The following DENND1A variants were observed in gnomAD, a reference collection of about 807,000 sequenced individuals.
DENND1A encodes DENN domain-containing protein 1A.
Under a neutral mutation model 113.7 loss-of-function variants are expected in DENND1A, and 51 were observed. That is an observed-to-expected ratio of 0.45 (90% CI 0.36 to 0.57). The LOEUF (loss-of-function observed/expected upper bound fraction) is 0.57, where lower values mean the gene tolerates loss of function less well. Ranked by LOEUF, DENND1A falls within the 20% of genes least tolerant of loss-of-function variation. DENND1A has a pLI of 0.00. For synonymous variants in DENND1A, 565 were observed against 570.8 expected, an observed-to-expected ratio of 0.99 and a Z score of 0.14; for missense variants, 1,258 against 1,395.9, an observed-to-expected ratio of 0.90 and a Z score of 1.57.
At chr9:123,671,147 T>A in intron 7 of DENND1A, 144 bp downstream of exon 7, 1 of 908,618 alleles carries the variant, frequency 1.1e-6, no homozygotes, top group Non-Finnish European at 1.8e-6. Flanking sequence ...CTCTGGCCTA[T>A]CTTGAACTCA....
At chr9:123,624,664 A>AT (rs1421323708) in intron 10 of DENND1A, among the ~76,000 whole-genome samples, 4 of 152,258 alleles carry the variant, frequency 2.6e-5, no homozygotes, top group South Asian at 4.1e-4. Context: ...CTCAACCTTA[A>AT]TTTTCTGGAG....
chr9:123,640,654 A>G (rs899853677), intron 9 of DENND1A, among the ~76,000 whole-genome samples: 1 of 152,234 alleles, frequency 6.6e-6, no homozygotes, highest in Admixed American at 6.5e-5. Flanking sequence ...GATGAGATTC[A>G]GCCTCAGGTA....
chr9:123,434,505 T>C (rs2046372589), intron 19 of DENND1A, among the ~76,000 whole-genome samples: 1 of 152,234 alleles, frequency 6.6e-6, no homozygotes, highest in Non-Finnish European at 1.5e-5. Flanking sequence ...TTCCTTAATT[T>C]AAACATCCAC....
At position 123,381,394 on chromosome 9, in the gene DENND1A, C is replaced by T. The variant is rs749400308; in HGVS notation, c.*38G>A. The stretch of plus-strand genomic sequence containing the variant: ...TCGGAACCGCAGCAGTGGACGGACC[C>T]TCGGGCCTCGGTGCATCCCCCACCC... On this transcript the variant is annotated 3_prime_UTR_variant, in exon 24 of 24. Coordinates refer to ENST00000394215, the MANE Select transcript of DENND1A (RefSeq NM_001352964.2). The surrounding 1 kb of genome is among the most constrained non-coding windows in gnomAD (Gnocchi z 4.7). 2.5e-6 allele frequency: 4 copies of T among 1,593,718 alleles called. No individual in the cohort carries two copies. Among genetic ancestry groups the T allele is most frequent in the African/African-American group, 1.3e-5 (1 of 74,674 alleles).
At chr9:123,607,547 AGTGTGT>A (rs555605927) in intron 11 of DENND1A, among the ~76,000 whole-genome samples, 830 of 68,032 alleles carry the variant, frequency 0.012, 14 homozygotes, top group South Asian at 0.025. Flanking sequence ...AGAGAGAGAG[AGTGTGT>A]GTGTGTGTGT....
intron 19 of DENND1A, among the ~76,000 whole-genome samples, chr9:123,416,396 T>C (rs1488267108): frequency 2.6e-5 from 4 of 152,230 alleles, no homozygotes; most frequent in African/African-American, 9.6e-5. Context: ...GAAGGCCTCT[T>C]GACCGCTGAC....
At chr9:123,546,484 G>A (rs1297082499) in intron 13 of DENND1A, among the ~76,000 whole-genome samples, 4 of 151,964 alleles carry the variant, frequency 2.6e-5, no homozygotes, top group South Asian at 2.1e-4. Flanking sequence ...CCTGGGAGGC[G>A]GAGCTTGCAG....
At chr9:123,908,783 A>C (rs954663140) in intron 1 of DENND1A, among the ~76,000 whole-genome samples, 1 of 152,190 alleles carries the variant, frequency 6.6e-6, no homozygotes, top group Non-Finnish European at 1.5e-5. Flanking sequence ...TGTGGAAGTC[A>C]GTGTGGAGAT....
At chr9:123,802,971 G>A (rs1479503235) in intron 2 of DENND1A, among the ~76,000 whole-genome samples, 1 of 152,096 alleles carries the variant, frequency 6.6e-6, no homozygotes, top group African/African-American at 2.4e-5. Flanking sequence ...CAAAGTGCTG[G>A]GATTATAGGC....
At chr9:123,893,109 T>TA (rs571378557) in intron 1 of DENND1A, among the ~76,000 whole-genome samples, 12,689 of 146,672 alleles carry the variant, frequency 0.087, 1,028 homozygotes, top group African/African-American at 0.22. Context: ...TATATGTTTT[T>TA]AAAAAAAAAA....
At chr9:123,882,782 C>T (rs1214703410) in intron 1 of DENND1A, among the ~76,000 whole-genome samples, 1 of 152,224 alleles carries the variant, frequency 6.6e-6, no homozygotes, top group Non-Finnish European at 1.5e-5. Context: ...CCTGGAGCTG[C>T]ACATTGACAA....
intron 1 of DENND1A, among the ~76,000 whole-genome samples, chr9:123,892,341 C>G (rs576806300): frequency 4.0e-4 from 61 of 152,246 alleles, no homozygotes; most frequent in Admixed American, 9.2e-4. Flanking sequence ...CTAGTCTAGC[C>G]CTAGACTGAG....
At chr9:123,757,953 A>C (rs2070711908) in intron 4 of DENND1A, 131 bp from the exon 5 acceptor site, 3 of 1,134,268 alleles carry the variant, frequency 2.6e-6, no homozygotes, top group Non-Finnish European at 3.6e-6. Context: ...TACACATTTC[A>C]AGGGAACAGA....
chr9:123,676,267 T>C (rs1311797537), intron 6 of DENND1A, among the ~76,000 whole-genome samples: 2 of 152,206 alleles, frequency 1.3e-5, no homozygotes, highest in Admixed American at 1.3e-4. Flanking sequence ...CAAAGCTTTA[T>C]TGAAATGGGA....
intron 18 of DENND1A, among the ~76,000 whole-genome samples, chr9:123,440,902 T>C (rs1017384921): frequency 6.6e-6 from 1 of 152,230 alleles, no homozygotes; most frequent in African/African-American, 2.4e-5. Context: ...ACAAAGTCAT[T>C]ACAAAAATAA....
intron 11 of DENND1A, among the ~76,000 whole-genome samples, chr9:123,588,452 C>G (rs1318901847): frequency 6.6e-6 from 1 of 151,428 alleles, no homozygotes; most frequent in African/African-American, 2.4e-5. Context: ...AACCCTGTCT[C>G]TACTAAAAAT....
chr9:123,560,676 T>A (rs2057697038), intron 12 of DENND1A, among the ~76,000 whole-genome samples: 1 of 135,820 alleles, frequency 7.4e-6, no homozygotes, highest in Non-Finnish European at 1.5e-5. Flanking sequence ...GGTGACAGAG[T>A]GAGACCCTGT....
chr9:123,517,146 G>A (rs181769171), intron 13 of DENND1A, among the ~76,000 whole-genome samples: 129 of 151,538 alleles, frequency 8.5e-4, no homozygotes, highest in African/African-American at 2.5e-3. Context: ...CCAGCTACTC[G>A]GGAGGCTGAG....
At chr9:123,553,454 AACC>A in intron 13 of DENND1A, among the ~76,000 whole-genome samples, 1 of 148,846 alleles carries the variant, frequency 6.7e-6, no homozygotes, top group East Asian at 2.0e-4. Context: ...CAGGGTTGGG[AACC>A]ACAAGGGTCA....
Sources: allele counts gnomAD v4.1 joint callset (sites outside exome capture counted in the v4.1 genomes callset), GRCh38; gene constraint gnomAD v4.1.1; non-coding constraint Gnocchi (gnomAD v3.1); transcripts MANE v1.5; gene names NCBI Gene and HGNC (gene_info 2026-07-23, HGNC 2026-07-21).